The following DCAF1 variants were observed in gnomAD, a reference collection of about 807,000 sequenced individuals.
DCAF1 encodes the protein DDB1 and CUL4 associated factor 1, also known as DDB1- and CUL4-associated factor 1.
In DCAF1, 15 loss-of-function variants were observed where a neutral mutation model predicts 128.0. The ratio of observed to expected loss-of-function variants is 0.12; its 90% CI spans 0.08 to 0.18. The LOEUF (loss-of-function observed/expected upper bound fraction) is 0.18. Among genes scored for constraint, DCAF1 ranks in the 10% least tolerant of loss-of-function variants. The probability of loss-of-function intolerance (pLI) is 1.00; values close to 1 mark genes in which losing one functional copy is unlikely to be tolerated. For synonymous variants in DCAF1, 610 were observed against 603.0 expected, an observed-to-expected ratio of 1.01 and a Z score of -0.17; for missense variants, 988 against 1,649.5, an observed-to-expected ratio of 0.60 and a Z score of 6.95.
At chr3:51,423,819 CA>C (rs200404018) in intron 13 of DCAF1, among the ~76,000 whole-genome samples, 9,068 of 70,704 alleles carry the variant, frequency 0.13, 510 homozygotes, top group East Asian at 0.4. Flanking sequence ...GACTCCGTTT[CA>C]AAAAAAAAAA....
chr3:51,416,164 A>G (rs556250952), intron 18 of DCAF1, among the ~76,000 whole-genome samples: 10 of 151,320 alleles, frequency 6.6e-5, no homozygotes, highest in Non-Finnish European at 1.5e-4. Context: ...TCTTCATCTC[A>G]CTCAAAAAAA....
chr3:51,475,225 T>C (rs1553650043), intron 3 of DCAF1, among the ~76,000 whole-genome samples: 1 of 150,622 alleles, frequency 6.6e-6, no homozygotes, highest in African/African-American at 2.4e-5. Context: ...TAAAATCTAC[T>C]AGTATCAAAA....
At chr3:51,493,870 G>A (rs1422622585) in intron 2 of DCAF1, among the ~76,000 whole-genome samples, 3 of 151,620 alleles carry the variant, frequency 2.0e-5, no homozygotes, top group South Asian at 2.1e-4. Context: ...GGTGGCATGC[G>A]CCTGTAGTCC....
At position 51,442,370 on chromosome 3, in the gene DCAF1, C is replaced by T. The variant is rs75969393; in HGVS notation, c.514-473G>A. Among the ~76,000 whole-genome samples the T allele has an allele frequency of 2.2e-3, 332 of 151,846 alleles. 7 individuals carry two copies. The East Asian group carries it at 0.058, about 27-fold the overall frequency. On this transcript the variant is annotated intron_variant, in intron 7 of 24. Coordinates refer to ENST00000684031, the MANE Select transcript of DCAF1 (RefSeq NM_001387579.1). ...TTTTTTAAGTACATACTTTTTGGGC[C>T]AACGCTATAAAGTGGTACTGTGTTT...
chr3:51,406,762 G>A (rs1257685267), intron 23 of DCAF1, among the ~76,000 whole-genome samples: 2 of 152,134 alleles, frequency 1.3e-5, no homozygotes, highest in African/African-American at 2.4e-5. Context: ...AACCAACCCT[G>A]AGACCCTGTT....
upstream of DCAF1, among the ~76,000 whole-genome samples, chr3:51,505,001 G>A (rs1208275791): frequency 3.9e-5 from 6 of 151,914 alleles, no homozygotes; most frequent in African/African-American, 7.3e-5. Flanking sequence ...GGTAGCTCAC[G>A]CCATAATCCC....
At chr3:51,430,992 C>A (rs1700318357) in intron 10 of DCAF1, among the ~76,000 whole-genome samples, 1 of 152,112 alleles carries the variant, frequency 6.6e-6, no homozygotes, top group Non-Finnish European at 1.5e-5. Flanking sequence ...ACAGCCTGGG[C>A]AAAATGGCAA....
At chr3:51,455,382 G>A (rs1204951658) in intron 6 of DCAF1, among the ~76,000 whole-genome samples, 1 of 151,950 alleles carries the variant, frequency 6.6e-6, no homozygotes, top group African/African-American at 2.4e-5. Flanking sequence ...AAGGCAGGAA[G>A]ATGGTTTCAG....
At chr3:51,454,148 T>A (rs1261916636) in intron 6 of DCAF1, among the ~76,000 whole-genome samples, 6 of 152,106 alleles carry the variant, frequency 3.9e-5, no homozygotes, top group African/African-American at 1.2e-4. Flanking sequence ...GTTGAAGCGA[T>A]CCTCCCGCCT....
At chr3:51,397,026 A>G (rs2089247712), downstream of DCAF1, 1 of 167,076 alleles carries the variant, frequency 6.0e-6, no homozygotes, top group Non-Finnish European at 1.5e-5. Context: ...CAAATTCTAT[A>G]GTGCTTCTGA....
chr3:51,423,551 CTCACGCCGGTAA>C (rs1451685973), intron 13 of DCAF1, among the ~76,000 whole-genome samples: 24 of 151,100 alleles, frequency 1.6e-4, no homozygotes, highest in African/African-American at 5.6e-4. Flanking sequence ...GGTGCAGTGG[CTCACGCCGGTAA>C]TCACAACAAT....
intron 24 of DCAF1, among the ~76,000 whole-genome samples, chr3:51,402,059 C>T (rs2089741652): frequency 6.6e-6 from 1 of 151,848 alleles, no homozygotes; most frequent in African/African-American, 2.4e-5. Context: ...TTGCTGATTT[C>T]TGCAGGATTC....
intron 13 of DCAF1, among the ~76,000 whole-genome samples, chr3:51,423,243 GT>G (rs1699580340): frequency 2.0e-5 from 3 of 152,278 alleles, no homozygotes; most frequent in Non-Finnish European, 4.4e-5. Context: ...TGTAATCCTA[GT>G]GCTTTGGGAG....
intron 12 of DCAF1, among the ~76,000 whole-genome samples, chr3:51,428,588 G>A (rs1553634709): frequency 6.6e-6 from 1 of 152,068 alleles, no homozygotes; most frequent in African/African-American, 2.4e-5. Flanking sequence ...GCAGCTACTC[G>A]TCATTATCCC....
chr3:51,491,847 AAAAC>A (rs1707685925), intron 2 of DCAF1, among the ~76,000 whole-genome samples: 2 of 151,934 alleles, frequency 1.3e-5, no homozygotes, highest in Admixed American at 6.6e-5. Flanking sequence ...TCCATCTCAA[AAAAC>A]AAACAAACAA....
rs1553634899 is a variant in DCAF1, at chr3:51,429,264, G to A, written c.1674C>T (p.Tyr558=). The A allele has an allele frequency of 2.6e-6, 2 of 775,104 alleles. No homozygotes were observed. The highest frequency in any genetic ancestry group is 4.9e-5 in the East Asian group (2 of 41,128). 48.0% of individuals were successfully genotyped at this position (775,104 alleles called of 1,614,324 possible). A position where few individuals can be genotyped will look rare whatever the true frequency, so the allele number is the denominator to read the frequency against. ...TTTCAAGGCAAGGTCCTCTCACCTTGTACGGGGGTTGTGGGTGGACAAGAA... is the reference window on the plus strand; with the variant it reads ...TTTCAAGGCAAGGTCCTCTCACCTTATACGGGGGTTGTGGGTGGACAAGAA... ...GGILVHPQPP[Y]KACSYTHEQI... is the part of the protein sequence containing the mutation. Residue 558 remains tyrosine (Y), a synonymous_variant, in exon 12 of 25, where the codon TAC becomes TAT. Coordinates refer to ENST00000684031, the MANE Select transcript of DCAF1 (RefSeq NM_001387579.1).
At position 51,483,787 on chromosome 3, in the gene DCAF1, G is replaced by T. The variant is rs781987071; in HGVS notation, c.42C>A (p.Leu14=). 1 of 1,613,894 alleles carries T rather than the reference G, an allele frequency of 6.2e-7. No homozygotes were observed. The highest frequency in any genetic ancestry group is 8.5e-7 in the Non-Finnish European group (1 of 1,179,880). Residue 14 remains leucine (L), a synonymous_variant, in exon 3 of 25, where the codon CTC becomes CTA. Transcript: ENST00000684031. The part of the protein sequence containing the change: ...VVVHVDSKAE[L]TTLLEQWEKE... ...TTTCCCACTGCTCCAGCAGGGTAGT[G>T]AGCTCAGCTTTGGAGTCCACATGTA... is the stretch of plus-strand genomic sequence containing the variant.
At chr3:51,440,516 T>C (rs933339766) in intron 9 of DCAF1, among the ~76,000 whole-genome samples, 1 of 152,130 alleles carries the variant, frequency 6.6e-6, no homozygotes, top group Non-Finnish European at 1.5e-5. Flanking sequence ...TGAGGTAGGA[T>C]TGCTTGGGCC....
rs1255537974 is a variant in DCAF1, at chr3:51,419,980, T to C, written c.2990A>G (p.His997Arg). The part of the protein sequence containing the change: ...SPAIKKQLDR[H>R]LPSPPTLDSI... Reference sequence around the variant, plus strand: ...GTCCAGCGTAGGTGGGGAAGGAAGATGTCTGTCCAGCTGTTTTTTTATGGC... The same window carrying C: ...GTCCAGCGTAGGTGGGGAAGGAAGACGTCTGTCCAGCTGTTTTTTTATGGC... Residue 997 changes from histidine to arginine, a missense_variant, in exon 15 of 25, where the codon CAT becomes CGT. Around this residue, in one of 11 missense-constraint regions of DCAF1, gnomAD observed 105 missense variants for 266.7 expected, o/e 0.39. Transcript: ENST00000684031. 6.2e-6 allele frequency: 10 copies of C among 1,614,046 alleles called. No individual in the cohort carries two copies. Among genetic ancestry groups the C allele is most frequent in the Admixed American group, 1.7e-5 (1 of 60,020 alleles).
Sources: allele counts gnomAD v4.1 joint callset (sites outside exome capture counted in the v4.1 genomes callset), GRCh38; gene constraint gnomAD v4.1.1; regional missense constraint gnomAD v4.1.1; transcripts MANE v1.5; gene names NCBI Gene and HGNC (gene_info 2026-07-23, HGNC 2026-07-21).